The following ATP2C1 variants were observed in gnomAD, a reference collection of about 807,000 sequenced individuals.
ATP2C1 encodes calcium-transporting ATPase type 2C member 1.
ATP2C1 carries 31 observed loss-of-function variants against 120.5 expected under a neutral mutation model. The ratio of observed to expected loss-of-function variants is 0.26; its 90% CI spans 0.19 to 0.35. The LOEUF (loss-of-function observed/expected upper bound fraction) is 0.35. Ranked by LOEUF, ATP2C1 falls within the 10% of genes least tolerant of loss-of-function variation. The pLI, the probability that ATP2C1 is intolerant of heterozygous loss-of-function variation, is 1.00. For synonymous variants in ATP2C1, 351 were observed against 358.7 expected (o/e 0.98, Z 0.24); for missense variants, 731 against 1,107.5 (o/e 0.66, Z 4.83).
At chr3:130,964,156 C>A in intron 13 of ATP2C1, 61 bp downstream of exon 13, 3 of 1,593,862 alleles carry the variant, frequency 1.9e-6, no homozygotes, top group Non-Finnish European at 2.6e-6. Context: ...AATAGTGAAT[C>A]ATCTCAGAGT....
At position 130,894,149 on chromosome 3, in the gene ATP2C1, T is replaced by TGGCCCC; in HGVS notation, c.-369_-368insGGCCCC. On this transcript the variant is annotated 5_prime_UTR_variant, in exon 1 of 28. Transcript: ENST00000510168. This position sits in a 1 kb window ranked among gnomAD's most constrained non-coding sequence, Gnocchi z 4.5. The stretch of plus-strand genomic sequence containing the variant: ...ACGGGTCCCCTCACCTCCTCTTCTC[T>TGGCCCC]CCCCTCCCCGCCCGCCCTCTCTCCC... The TGGCCCC allele has an allele frequency of 2.9e-6, 2 of 694,852 alleles. No individual in the cohort carries two copies. Among genetic ancestry groups the TGGCCCC allele is most frequent in the Non-Finnish European group, 3.5e-6 (2 of 565,206 alleles). The allele number at this position is 694,852 out of a possible 1,614,324, so 43.0% of individuals were successfully genotyped here.
intron 2 of ATP2C1, among the ~76,000 whole-genome samples, chr3:130,909,484 G>A (rs1357773907): frequency 2.6e-5 from 4 of 152,076 alleles, no homozygotes; most frequent in Non-Finnish European, 4.4e-5. Flanking sequence ...TCTCTAGGCC[G>A]AATATTCCTA....
chr3:130,931,846 CCTCT>C (rs1161291117), intron 3 of ATP2C1, among the ~76,000 whole-genome samples, 172 bp from the exon 4 acceptor site: 1 of 152,064 alleles, frequency 6.6e-6, no homozygotes, highest in Non-Finnish European at 1.5e-5. Flanking sequence ...TTAATCCCTC[CCTCT>C]CTATGTGTCA....
At position 130,964,813 on chromosome 3, in the gene ATP2C1, C is replaced by G. The variant is rs983744026; in HGVS notation, c.1025-135C>G. On this transcript the variant is annotated intron_variant, in intron 13 of 27. Coordinates refer to ENST00000510168, the MANE Select transcript of ATP2C1 (RefSeq NM_001378687.1). Reference sequence around the variant, plus strand: ...AACAAGCATAATGAGAGAAGTTAATCTAAAATTAACAATGAGTTTGATTTC... The same window carrying G: ...AACAAGCATAATGAGAGAAGTTAATGTAAAATTAACAATGAGTTTGATTTC... The G allele has an allele frequency of 2.0e-4, 126 of 630,388 alleles. 1 individual carries two copies. The Admixed American group carries it at 3.6e-3, about 18-fold the overall frequency. 39.0% of individuals were successfully genotyped at this position (630,388 alleles called of 1,614,324 possible). A position where few individuals can be genotyped will look rare whatever the true frequency, so the allele number is the denominator to read the frequency against.
intron 10 of ATP2C1, 35 bp downstream of exon 10, chr3:130,955,115 C>G (rs1342003553): frequency 3.6e-6 from 5 of 1,394,828 alleles, no homozygotes; most frequent in Non-Finnish European, 5.1e-6. Context: ...GTATTTGTTC[C>G]AAATCTGAAA....
intron 1 of ATP2C1, among the ~76,000 whole-genome samples, chr3:130,885,302 G>A (rs1213963221): frequency 6.6e-6 from 1 of 152,106 alleles, no homozygotes; most frequent in African/African-American, 2.4e-5. Flanking sequence ...GCCACTCTGT[G>A]TCTTTTGGTT....
At chr3:130,999,391 C>A in intron 26 of ATP2C1, 127 bp from the exon 27 acceptor site, 1 of 855,014 alleles carries the variant, frequency 1.2e-6, no homozygotes, top group East Asian at 2.6e-5. Flanking sequence ...TAAGATATTT[C>A]ATAGAATTGA....
rs886385936 is a variant in ATP2C1, at chr3:130,979,160, G to A, written c.1571-89G>A. Reference sequence around the variant, plus strand: ...GTCTTAAGTGATTTATTTAAGAAGTGTTACTGTCTCCAATTTCTATCAACT... The same window carrying A: ...GTCTTAAGTGATTTATTTAAGAAGTATTACTGTCTCCAATTTCTATCAACT... On this transcript the variant is annotated intron_variant, in intron 18 of 27. Coordinates refer to ENST00000510168, the MANE Select transcript of ATP2C1 (RefSeq NM_001378687.1). 4.8e-6 allele frequency: 6 copies of A among 1,252,912 alleles called. No individual in the cohort carries two copies. The East Asian group carries it at 7.0e-5, about 15-fold the overall frequency. The allele number at this position is 1,252,912 out of a possible 1,614,324, so 77.6% of individuals were successfully genotyped here. A position where few individuals can be genotyped will look rare whatever the true frequency, so the allele number is the denominator to read the frequency against.
At chr3:130,980,073 T>G (rs1256406400) in intron 19 of ATP2C1, among the ~76,000 whole-genome samples, 1 of 152,156 alleles carries the variant, frequency 6.6e-6, no homozygotes, top group Non-Finnish European at 1.5e-5. Context: ...AACTTTTCGA[T>G]GTTTATTTTC....
intron 6 of ATP2C1, among the ~76,000 whole-genome samples, chr3:130,938,728 T>G (rs938669252): frequency 1.3e-5 from 2 of 152,188 alleles, no homozygotes; most frequent in African/African-American, 2.4e-5. Flanking sequence ...GCCAAGTGAG[T>G]GATATGACCC....
chr3:130,925,400 G>A (rs1214790999), intron 2 of ATP2C1, among the ~76,000 whole-genome samples: 1 of 152,168 alleles, frequency 6.6e-6, no homozygotes, highest in Non-Finnish European at 1.5e-5. Flanking sequence ...ACTGGCGAGT[G>A]TCTGTAAAGA....
chr3:130,975,696 C>T (rs1021591087), intron 18 of ATP2C1, among the ~76,000 whole-genome samples: 1 of 152,116 alleles, frequency 6.6e-6, no homozygotes, highest in African/African-American at 2.4e-5. Context: ...ATCACTGGTT[C>T]TTTTAGATCT....
At chr3:130,949,934 A>G (rs1314127671) in intron 8 of ATP2C1, among the ~76,000 whole-genome samples, 3 of 152,098 alleles carry the variant, frequency 2.0e-5, no homozygotes, top group Admixed American at 2.0e-4. Flanking sequence ...TCTAATCTGC[A>G]TTTTAATGAT....
In ATP2C1 at chr3:130,894,808, G is replaced by T; in HGVS notation, c.6+33G>T. 6.3e-7 allele frequency: 1 copy of T among 1,591,700 alleles called. No homozygotes were observed. The highest frequency in any genetic ancestry group is 1.1e-5 in the South Asian group (1 of 90,626). On this transcript the variant is annotated intron_variant, in intron 2 of 27. Transcript: ENST00000510168. The surrounding 1 kb of genome is among the most constrained non-coding windows in gnomAD (Gnocchi z 4.5). ...CCCCTGGCCGACCGGTTGCAACGCGGAGTTGAGGGTGTGGTGGTTTGCTTT... is the reference window on the plus strand; with the variant it reads ...CCCCTGGCCGACCGGTTGCAACGCGTAGTTGAGGGTGTGGTGGTTTGCTTT...
chr3:131,015,086 C>A, intron 26 of ATP2C1: 1 of 536,410 alleles, frequency 1.9e-6, no homozygotes, highest in Non-Finnish European at 3.3e-6. Context: ...ATAAAGAATC[C>A]AGGGGTCAAA....
chr3:130,993,146 A>T, intron 21 of ATP2C1, 145 bp downstream of exon 21: 1 of 655,664 alleles, frequency 1.5e-6, no homozygotes, highest in East Asian at 2.8e-5. Flanking sequence ...TAAGAGCTTG[A>T]CATAGAAACA....
At chr3:130,902,896 T>C (rs1327471213) in intron 2 of ATP2C1, among the ~76,000 whole-genome samples, 1 of 152,036 alleles carries the variant, frequency 6.6e-6, no homozygotes, top group East Asian at 1.9e-4. Context: ...TCATCTCTAA[T>C]ACCAATCCCT....
chr3:130,990,849 G>A (rs1328217957), intron 20 of ATP2C1, among the ~76,000 whole-genome samples: 1 of 152,124 alleles, frequency 6.6e-6, no homozygotes, highest in Non-Finnish European at 1.5e-5. Flanking sequence ...ATTAAGGTTG[G>A]CTCCCAAAAT....
intron 2 of ATP2C1, chr3:130,918,117 G>C: frequency 2.8e-6 from 2 of 711,118 alleles, no homozygotes; most frequent in Non-Finnish European, 5.1e-6. Context: ...GTAATATATA[G>C]TACTTAATGC....
Sources: gnomAD v4.1 joint callset for allele counts (sites outside exome capture counted in the v4.1 genomes callset) on GRCh38, gnomAD v4.1.1 for gene constraint, Gnocchi (gnomAD v3.1) non-coding constraint, MANE v1.5 for transcripts, NCBI Gene and HGNC (gene_info 2026-07-23, HGNC 2026-07-21) for gene names.